Variants in LCLAT1 observed in about 807,000 individuals in gnomAD.
LCLAT1 encodes 1-AGP acyltransferase 8.
LCLAT1 carries 11 observed loss-of-function variants against 30.7 expected under a neutral mutation model. That is an observed-to-expected ratio of 0.36 (90% CI 0.23 to 0.59). The LOEUF (loss-of-function observed/expected upper bound fraction) is 0.59. LCLAT1 is among the 20% of genes least tolerant of loss of function. The probability of loss-of-function intolerance (pLI) is 0.77; values close to 1 mark genes in which losing one functional copy is unlikely to be tolerated. For missense variants in LCLAT1, 402 were observed against 458.6 expected, an observed-to-expected ratio of 0.88 and a Z score of 1.13; for synonymous variants, 155 against 151.3, an observed-to-expected ratio of 1.02 and a Z score of -0.18.
intron 5 of LCLAT1, among the ~76,000 whole-genome samples, chr2:30,626,924 T>G (rs1453852382): frequency 6.6e-6 from 1 of 152,202 alleles, no homozygotes; most frequent in Admixed American, 6.5e-5. Context: ...TTATTTATTT[T>G]TATGGAATCT....
intron 5 of LCLAT1, among the ~76,000 whole-genome samples, chr2:30,637,446 A>G (rs536501207): frequency 2.0e-5 from 3 of 152,242 alleles, no homozygotes; most frequent in East Asian, 3.9e-4. Flanking sequence ...CGGACAGCCC[A>G]CCTTTCAGCA....
chr2:30,581,769 A>G (rs1451204115), intron 5 of LCLAT1, among the ~76,000 whole-genome samples: 2 of 152,226 alleles, frequency 1.3e-5, no homozygotes, highest in African/African-American at 2.4e-5. Flanking sequence ...GTGAAGGGAA[A>G]TAGCCAAAGG....
intron 3 of LCLAT1, among the ~76,000 whole-genome samples, chr2:30,547,187 G>T (rs1409732145): frequency 6.6e-6 from 1 of 152,122 alleles, no homozygotes; most frequent in African/African-American, 2.4e-5. Flanking sequence ...CTCCACCTGT[G>T]ACTCTTTCTT....
rs774539764 is a variant in LCLAT1 at position 30,568,057 on chromosome 2, T to C, written c.512-3T>C. ...ATTTATAATGGTCCATTGTTTTGTTTAGAAAACAGCAAGTCTCGAAGTAAT... is the reference window on the plus strand; with the variant it reads ...ATTTATAATGGTCCATTGTTTTGTTCAGAAAACAGCAAGTCTCGAAGTAAT... On this transcript the variant is annotated splice_polypyrimidine_tract_variant and splice_region_variant and intron_variant, in intron 4 of 5. Coordinates refer to ENST00000379509, the MANE Select transcript of LCLAT1 (RefSeq NM_001002257.3). The C allele has an allele frequency of 3.4e-6, 5 of 1,480,982 alleles. No individual in the cohort carries two copies. In the Admixed American group the frequency reaches 8.8e-5, roughly 26 times the overall value. The allele number at this position is 1,480,982 out of a possible 1,614,324, so 91.7% of individuals were successfully genotyped here.
intron 1 of LCLAT1, among the ~76,000 whole-genome samples, chr2:30,502,211 C>T (rs985761891): frequency 1.3e-5 from 2 of 152,034 alleles, no homozygotes; most frequent in Non-Finnish European, 2.9e-5. Context: ...CTTTTGTTCT[C>T]TTGCTTTGCT....
At chr2:30,506,237 G>A (rs1034479206) in intron 1 of LCLAT1, among the ~76,000 whole-genome samples, 1 of 152,028 alleles carries the variant, frequency 6.6e-6, no homozygotes, top group African/African-American at 2.4e-5. Context: ...AAACTGTGTA[G>A]TTTGTTCCTT....
At chr2:30,467,867 A>G (rs1280922113) in intron 1 of LCLAT1, among the ~76,000 whole-genome samples, 1 of 152,140 alleles carries the variant, frequency 6.6e-6, no homozygotes, top group Non-Finnish European at 1.5e-5. Flanking sequence ...AGATGGCAAA[A>G]ATTGTCTCCC....
At chr2:30,524,045 C>T (rs553510553) in intron 1 of LCLAT1, among the ~76,000 whole-genome samples, 3 of 147,694 alleles carry the variant, frequency 2.0e-5, no homozygotes, top group Non-Finnish European at 4.5e-5. Flanking sequence ...CTCTCAGATA[C>T]CTTTTTGCTA....
chr2:30,599,474 A>C (rs944517332), intron 5 of LCLAT1, among the ~76,000 whole-genome samples: 4 of 152,194 alleles, frequency 2.6e-5, no homozygotes, highest in South Asian at 2.1e-4. Flanking sequence ...TTCTGTAGAT[A>C]TCTATCAGAT....
At chr2:30,612,604 G>A (rs1403989918) in intron 5 of LCLAT1, among the ~76,000 whole-genome samples, 2 of 152,214 alleles carry the variant, frequency 1.3e-5, no homozygotes, top group Non-Finnish European at 2.9e-5. Context: ...CAGATTGCAA[G>A]TAGCAGAACT....
At chr2:30,503,630 A>C (rs1684502870) in intron 1 of LCLAT1, among the ~76,000 whole-genome samples, 2 of 152,214 alleles carry the variant, frequency 1.3e-5, no homozygotes, top group African/African-American at 4.8e-5. Flanking sequence ...AAATTGTTGA[A>C]ATATAGTGTA....
At chr2:30,506,969 A>G (rs566219006) in intron 1 of LCLAT1, among the ~76,000 whole-genome samples, 15 of 152,318 alleles carry the variant, frequency 9.8e-5, no homozygotes, top group Admixed American at 2.0e-4. Context: ...ACATATTTCA[A>G]TTCCTTCAGA....
rs149869044 is a variant in LCLAT1, at chr2:30,457,590, C to A, written c.-5+10207C>A. Among the ~76,000 whole-genome samples, 12 of 152,298 alleles carry A rather than the reference C, an allele frequency of 7.9e-5. No individual in the cohort carries two copies. In the East Asian group the frequency reaches 2.3e-3, roughly 29 times the overall value. On this transcript the variant is annotated intron_variant, in intron 1 of 5. Transcript: ENST00000379509. ...CAGTTTTTTATCTGTTAAGCAAATT[C>A]ATTTCAGTATTTCCCATTGCCTAAG...
In LCLAT1 at chr2:30,525,760, G is replaced by A; in HGVS notation, c.165+5G>A. ...ACATGGCTCACCCTACCTGTGGTAA[G>A]TTACACACCAGAGGAGACTGTCTGC... On this transcript the variant is annotated splice_donor_5th_base_variant and intron_variant, in intron 2 of 5. Transcript: ENST00000379509. 4 of 1,614,030 alleles carry A rather than the reference G, an allele frequency of 2.5e-6. No individual in the cohort carries two copies. Among genetic ancestry groups the A allele is most frequent in the Non-Finnish European group, 3.4e-6 (4 of 1,179,938 alleles).
At chr2:30,590,547 A>ATT (rs1440937392) in intron 5 of LCLAT1, among the ~76,000 whole-genome samples, 1 of 148,770 alleles carries the variant, frequency 6.7e-6, no homozygotes, top group Non-Finnish European at 1.5e-5. Flanking sequence ...ATGTATATCT[A>ATT]TTATTATATT....
At chr2:30,583,166 A>C (rs1666277709) in intron 5 of LCLAT1, among the ~76,000 whole-genome samples, 1 of 152,250 alleles carries the variant, frequency 6.6e-6, no homozygotes, top group South Asian at 2.1e-4. Context: ...CAAAAGGATG[A>C]TAGTATGGCT....
At chr2:30,573,090 T>C (rs1665852652) in intron 5 of LCLAT1, among the ~76,000 whole-genome samples, 1 of 152,224 alleles carries the variant, frequency 6.6e-6, no homozygotes, top group South Asian at 2.1e-4. Flanking sequence ...CAGAATGTAC[T>C]TACTGTTAAA....
At chr2:30,564,428 T>G (rs188695783) in intron 4 of LCLAT1, among the ~76,000 whole-genome samples, 4 of 152,232 alleles carry the variant, frequency 2.6e-5, no homozygotes, top group Admixed American at 2.6e-4. Context: ...TAAAACTTTT[T>G]TCATTCTGTA....
intron 3 of LCLAT1, among the ~76,000 whole-genome samples, chr2:30,552,280 C>T (rs1419796925): frequency 6.6e-6 from 1 of 152,084 alleles, no homozygotes; most frequent in Non-Finnish European, 1.5e-5. Flanking sequence ...GACCAAGAAG[C>T]CTCATTGTCA....
Sources: allele counts gnomAD v4.1 joint callset (sites outside exome capture counted in the v4.1 genomes callset), GRCh38; gene constraint gnomAD v4.1.1; transcripts MANE v1.5; gene names NCBI Gene and HGNC (gene_info 2026-07-23, HGNC 2026-07-21).